IQSEC1: variants seen among roughly 807,000 people sequenced by gnomAD.
IQSEC1 encodes IQ motif and Sec7 domain ArfGEF 1, also known as IQ motif and SEC7 domain-containing protein 1.
IQSEC1 carries 31 observed loss-of-function variants against 91.0 expected under a neutral mutation model. The observed-to-expected ratio is 0.34, with a 90% CI of 0.26 to 0.46. IQSEC1 has a LOEUF of 0.46. Ranked by LOEUF, IQSEC1 falls within the 20% of genes least tolerant of loss-of-function variation. IQSEC1 has a pLI of 1.00. For synonymous variants in IQSEC1, 699 were observed against 662.6 expected (o/e 1.05, Z -0.84); for missense variants, 1,388 against 1,575.6 (o/e 0.88, Z 2.02).
intron 2 of IQSEC1, among the ~76,000 whole-genome samples, chr3:13,085,020 C>G (rs62232933): frequency 1.3e-5 from 2 of 151,778 alleles, no homozygotes; most frequent in African/African-American, 4.8e-5. Flanking sequence ...TGTCCTCGGA[C>G]AGAAAAACAG....
chr3:13,278,625 C>T (rs1380371599), intron 1 of IQSEC1, among the ~76,000 whole-genome samples: 1 of 152,120 alleles, frequency 6.6e-6, no homozygotes, highest in African/African-American at 2.4e-5. Flanking sequence ...TTCAGAGCAG[C>T]CTGACCAACA....
At chr3:13,131,619 T>C (rs922925343) in intron 2 of IQSEC1, among the ~76,000 whole-genome samples, 1 of 151,752 alleles carries the variant, frequency 6.6e-6, no homozygotes, top group Non-Finnish European at 1.5e-5. Flanking sequence ...CCCAAGTAGC[T>C]GGGATCACAG....
intron 1 of IQSEC1, among the ~76,000 whole-genome samples, chr3:13,066,240 G>A (rs1419092968): frequency 3.9e-5 from 6 of 152,234 alleles, no homozygotes; most frequent in African/African-American, 9.6e-5. Context: ...TCTGCACAAC[G>A]CAACAGTGTT....
intron 2 of IQSEC1, among the ~76,000 whole-genome samples, chr3:13,092,086 C>T (rs1042638782): frequency 6.6e-6 from 1 of 152,180 alleles, no homozygotes; most frequent in African/African-American, 2.4e-5. Context: ...CCCTGCACTG[C>T]GCGGGGTCAA....
intron 1 of IQSEC1, among the ~76,000 whole-genome samples, chr3:13,023,442 AG>A (rs1260411180): frequency 3.3e-5 from 5 of 152,170 alleles, no homozygotes; most frequent in African/African-American, 9.7e-5. Flanking sequence ...TACAGCCCCC[AG>A]GAAGTCCCCC....
At chr3:12,928,828 G>A (rs1414837338) in intron 3 of IQSEC1, among the ~76,000 whole-genome samples, 1 of 152,146 alleles carries the variant, frequency 6.6e-6, no homozygotes, top group African/African-American at 2.4e-5. Context: ...GGAGAGGGCT[G>A]CAGGACATGC....
chr3:13,005,401 T>C (rs1241023469), intron 1 of IQSEC1, among the ~76,000 whole-genome samples: 3 of 152,110 alleles, frequency 2.0e-5, no homozygotes. Flanking sequence ...ACCCCAGTGT[T>C]ACTGGCCTGC....
chr3:12,915,766 G>T (rs201475575), intron 6 of IQSEC1, 33 bp from the exon 7 acceptor site: 10 of 1,606,482 alleles, frequency 6.2e-6, no homozygotes, highest in East Asian at 2.2e-5. Context: ...TATCAGGGTG[G>T]GCCCCAGGCT....
rs1414636508 is a variant in IQSEC1, at chr3:12,900,343, C to T, written c.*640G>A. 2 of 984,730 alleles carry T rather than the reference C, an allele frequency of 2.0e-6. No individual in the cohort carries two copies. Among genetic ancestry groups the T allele is most frequent in the Non-Finnish European group, 2.4e-6 (2 of 829,702 alleles). The allele number at this position is 984,730 out of a possible 1,614,324, so 61.0% of individuals were successfully genotyped here. On this transcript the variant is annotated 3_prime_UTR_variant, in exon 14 of 14. Transcript: ENST00000613206. The stretch of plus-strand genomic sequence containing the variant: ...GGGTTTGGTCTATTGTCTCACACAC[C>T]CAGCTAAGGTACTGTCTTCCTATTA...
chr3:13,203,343 T>A, intron 1 of IQSEC1, among the ~76,000 whole-genome samples: 1 of 152,182 alleles, frequency 6.6e-6, no homozygotes. Context: ...ACGGCCCTTG[T>A]TGGTTTTCTT....
At chr3:13,065,023 G>T (rs1705187968) in intron 1 of IQSEC1, among the ~76,000 whole-genome samples, 3 of 152,202 alleles carry the variant, frequency 2.0e-5, no homozygotes, top group South Asian at 4.1e-4. Flanking sequence ...GAATGTTCAG[G>T]CCCAGTCCCA....
At chr3:13,095,788 C>T (rs1207475876) in intron 2 of IQSEC1, among the ~76,000 whole-genome samples, 9 of 152,136 alleles carry the variant, frequency 5.9e-5, no homozygotes, top group East Asian at 1.9e-4. Context: ...TGGCAGGGAG[C>T]GGGCGGGGCA....
At chr3:12,910,702 G>C (rs914646277) in intron 10 of IQSEC1, among the ~76,000 whole-genome samples, 1 of 152,244 alleles carries the variant, frequency 6.6e-6, no homozygotes, top group Non-Finnish European at 1.5e-5. Flanking sequence ...GACTGAAGGG[G>C]ACAGAGAGCC....
At chr3:13,028,093 C>T (rs914378295) in intron 1 of IQSEC1, among the ~76,000 whole-genome samples, 2 of 152,172 alleles carry the variant, frequency 1.3e-5, no homozygotes, top group African/African-American at 2.4e-5. Context: ...CCCTCAAAGC[C>T]CCGCAGGGCT....
chr3:13,141,203 T>C (rs1418019270), intron 2 of IQSEC1, among the ~76,000 whole-genome samples: 1 of 151,758 alleles, frequency 6.6e-6, no homozygotes, highest in Admixed American at 6.6e-5. Context: ...GGGAGAAAAA[T>C]GAGGAAGCCA....
At chr3:13,199,690 G>A (rs531286079) in intron 1 of IQSEC1, among the ~76,000 whole-genome samples, 3 of 152,116 alleles carry the variant, frequency 2.0e-5, no homozygotes, top group Middle Eastern at 3.2e-3. Flanking sequence ...GGCCCCTGAG[G>A]CCCTTAGGAA....
intron 2 of IQSEC1, among the ~76,000 whole-genome samples, chr3:13,121,910 C>T (rs1435095694): frequency 1.3e-5 from 2 of 152,226 alleles, no homozygotes; most frequent in Non-Finnish European, 2.9e-5. Context: ...GGGACGGCCA[C>T]GGCAGTGGGA....
chr3:13,106,142 A>G (rs1347933855), intron 2 of IQSEC1, among the ~76,000 whole-genome samples: 2 of 152,126 alleles, frequency 1.3e-5, no homozygotes, highest in African/African-American at 4.8e-5. Context: ...CTGAACAGAG[A>G]GAGGAATCCA....
intron 1 of IQSEC1, among the ~76,000 whole-genome samples, chr3:13,043,774 G>C (rs1199810923): frequency 6.6e-6 from 1 of 152,194 alleles, no homozygotes; most frequent in Non-Finnish European, 1.5e-5. Context: ...TGTGTGAAAG[G>C]CTCTCAGAGG....
Sources: allele counts gnomAD v4.1 joint callset (sites outside exome capture counted in the v4.1 genomes callset), GRCh38; gene constraint gnomAD v4.1.1; transcripts MANE v1.5; gene names NCBI Gene and HGNC (gene_info 2026-07-23, HGNC 2026-07-21).